TENM3: variants seen among roughly 807,000 people sequenced by gnomAD.
TENM3 encodes teneurin transmembrane protein 3, also known as teneurin-3.
A neutral mutation model predicts 255.1 loss-of-function variants in TENM3; 63 were observed. The ratio of observed to expected loss-of-function variants is 0.25; its 90% CI spans 0.20 to 0.30. TENM3 has a LOEUF of 0.30. Ranked by LOEUF, TENM3 falls within the 10% of genes least tolerant of loss-of-function variation. TENM3 has a pLI of 1.00. For missense variants in TENM3, 2,929 were observed against 3,461.1 expected, an observed-to-expected ratio of 0.85 and a Z score of 3.86; for synonymous variants, 1,306 against 1,322.3, an observed-to-expected ratio of 0.99 and a Z score of 0.27.
At chr4:182,016,147 G>A in the TENM3 span, among the ~76,000 whole-genome samples, 1 of 152,118 alleles carries the variant, frequency 6.6e-6, no homozygotes, top group Admixed American at 6.5e-5. Context: ...CTCCTTCAAC[G>A]TGTTATTCGT....
chr4:182,271,960 C>T (rs560277256), intron 1 of TENM3, among the ~76,000 whole-genome samples: 5 of 152,286 alleles, frequency 3.3e-5, no homozygotes, highest in Non-Finnish European at 7.3e-5. Flanking sequence ...CAGCTCTGCC[C>T]TTGCGCAGTC....
the TENM3 span, among the ~76,000 whole-genome samples, chr4:182,094,250 CT>C: frequency 7.3e-4 from 107 of 145,736 alleles, no homozygotes; most frequent in South Asian, 8.8e-4. Context: ...TCATTCTTTA[CT>C]TTTTTTTTTT....
chr4:182,568,131 G>A (rs1029245328), intron 3 of TENM3, among the ~76,000 whole-genome samples: 1 of 152,192 alleles, frequency 6.6e-6, no homozygotes, highest in Non-Finnish European at 1.5e-5. Flanking sequence ...AATCCTGCCA[G>A]TTCTACCTCC....
the TENM3 span, among the ~76,000 whole-genome samples, chr4:181,745,091 C>T: frequency 5.3e-5 from 8 of 151,998 alleles, no homozygotes; most frequent in South Asian, 2.1e-4. Flanking sequence ...AAAGGAAGAT[C>T]GAGGGTTTAA....
At chr4:182,413,039 A>T (rs1770107863) in intron 3 of TENM3, among the ~76,000 whole-genome samples, 1 of 152,030 alleles carries the variant, frequency 6.6e-6, no homozygotes, top group East Asian at 1.9e-4. Context: ...AAGTAGTGTT[A>T]AGGAATTCCA....
rs1157038639 is a variant in TENM3 at position 182,786,300 on chromosome 4, C to T, written c.5305-2793C>T. ...GGCTGGGCACGGTGGCTCACGCCTGCAATCCCAGCACTTTGGGAAGCGGAG... is the reference window on the plus strand; with the variant it reads ...GGCTGGGCACGGTGGCTCACGCCTGTAATCCCAGCACTTTGGGAAGCGGAG... On this transcript the variant is annotated intron_variant, in intron 24 of 27. Transcript: ENST00000511685. Among the ~76,000 whole-genome samples, 6 of 152,078 alleles carry T rather than the reference C, an allele frequency of 3.9e-5. No individual in the cohort carries two copies. The South Asian group carries it at 1.3e-3, about 32-fold the overall frequency.
At chr4:181,548,482 T>C in the TENM3 span, among the ~76,000 whole-genome samples, 15,391 of 152,204 alleles carry the variant, frequency 0.1, 1,047 homozygotes, top group African/African-American at 0.18. Flanking sequence ...TATGCAGCCA[T>C]AAAAAAATGA....
At chr4:182,138,244 G>C in the TENM3 span, among the ~76,000 whole-genome samples, 2 of 152,114 alleles carry the variant, frequency 1.3e-5, no homozygotes, top group Non-Finnish European at 2.9e-5. Flanking sequence ...ACTTTATCAC[G>C]ACGAATCTTT....
the TENM3 span, among the ~76,000 whole-genome samples, chr4:181,865,606 C>T: frequency 2.0e-5 from 3 of 152,216 alleles, no homozygotes; most frequent in African/African-American, 7.2e-5. Context: ...AAAGCACTTT[C>T]GTCGTTGACA....
At chr4:182,784,534 G>A (rs1561248854) in intron 24 of TENM3, among the ~76,000 whole-genome samples, 1 of 151,842 alleles carries the variant, frequency 6.6e-6, no homozygotes, top group Non-Finnish European at 1.5e-5. Flanking sequence ...CCCCAGAGGT[G>A]GAGCCTACAG....
chr4:182,554,943 G>GT (rs1742434905), intron 3 of TENM3, among the ~76,000 whole-genome samples: 1 of 151,716 alleles, frequency 6.6e-6, no homozygotes. Flanking sequence ...AGCTTGAAAG[G>GT]TTAAGGAAAA....
chr4:181,561,540 C>T, the TENM3 span, among the ~76,000 whole-genome samples: 63,237 of 151,944 alleles, frequency 0.42, 13,287 homozygotes, highest in African/African-American at 0.46. Context: ...TAACCTTTCA[C>T]AAATTTTCTG....
chr4:181,865,460 C>A, the TENM3 span, among the ~76,000 whole-genome samples: 6 of 152,034 alleles, frequency 3.9e-5, no homozygotes, highest in Non-Finnish European at 7.3e-5. Flanking sequence ...GGTTTAGACA[C>A]CTTCAGTTTT....
At chr4:182,375,945 T>G (rs1372544021) in intron 3 of TENM3, among the ~76,000 whole-genome samples, 10 of 152,172 alleles carry the variant, frequency 6.6e-5, no homozygotes, top group Admixed American at 6.5e-4. Context: ...ATTCAGACCA[T>G]TTGTGCACCC....
intron 1 of TENM3, among the ~76,000 whole-genome samples, chr4:182,173,735 TG>T (rs1752258140): frequency 6.6e-6 from 1 of 152,096 alleles, no homozygotes; most frequent in Admixed American, 6.5e-5. Flanking sequence ...TCCTGAGATA[TG>T]GGAAATAGAG....
chr4:181,981,645 T>C, the TENM3 span, among the ~76,000 whole-genome samples: 1 of 152,142 alleles, frequency 6.6e-6, no homozygotes, highest in Admixed American at 6.6e-5. Context: ...GGTTGGACTT[T>C]GGTGGGATTT....
chr4:182,628,505 T>C, intron 4 of TENM3, 146 bp from the exon 5 acceptor site: 1 of 608,036 alleles, frequency 1.6e-6, no homozygotes, highest in Non-Finnish European at 2.9e-6. Context: ...TTTCCTTAAT[T>C]TTTAATGTTT....
chr4:181,584,251 C>A, the TENM3 span, among the ~76,000 whole-genome samples: 1 of 152,170 alleles, frequency 6.6e-6, no homozygotes, highest in South Asian at 2.1e-4. Context: ...CCCTTCTTTC[C>A]CTCAGAGGCT....
chr4:181,731,153 T>A, the TENM3 span, among the ~76,000 whole-genome samples: 1 of 152,158 alleles, frequency 6.6e-6, no homozygotes, highest in African/African-American at 2.4e-5. Flanking sequence ...AAAAAGAATA[T>A]CATATGAGAT....
Sources: allele counts gnomAD v4.1 joint callset (sites outside exome capture counted in the v4.1 genomes callset), GRCh38; gene constraint gnomAD v4.1.1; transcripts MANE v1.5; gene names NCBI Gene and HGNC (gene_info 2026-07-23, HGNC 2026-07-21).